Variants in DNAH7 observed in about 807,000 individuals in gnomAD.
DNAH7 encodes dynein axonemal heavy chain 7.
DNAH7 carries 397 observed loss-of-function variants against 444.6 expected under a neutral mutation model. That is an observed-to-expected ratio of 0.89 (90% CI 0.82 to 0.97). DNAH7 has a LOEUF of 0.97. Among genes scored for constraint, DNAH7 ranks in the 50% least tolerant of loss-of-function variants. The pLI is 0.00. For missense variants in DNAH7, 4,902 were observed against 4,800.8 expected (o/e 1.02, Z -0.62); for synonymous variants, 1,636 against 1,624.4 (o/e 1.01, Z -0.17).
intron 63 of DNAH7, among the ~76,000 whole-genome samples, chr2:195,753,115 A>G (rs896695849): frequency 6.6e-6 from 1 of 152,216 alleles, no homozygotes; most frequent in Non-Finnish European, 1.5e-5. Context: ...CAATTAAAGG[A>G]GCAAAGCCCT....
At chr2:195,904,989 C>T (rs1310553520) in intron 27 of DNAH7, 2 of 152,096 alleles carry the variant, frequency 1.3e-5, no homozygotes, top group Non-Finnish European at 2.9e-5. Flanking sequence ...GAAGGCTGCA[C>T]AATAGGAGAA....
At chr2:195,871,301 C>A (rs973846171) in intron 40 of DNAH7, among the ~76,000 whole-genome samples, 8 of 152,084 alleles carry the variant, frequency 5.3e-5, no homozygotes, top group Non-Finnish European at 8.8e-5. Context: ...TGTTTCTTAA[C>A]TGCATATTAA....
intron 61 of DNAH7, 87 bp downstream of exon 61, chr2:195,771,573 C>T (rs1694841204): frequency 5.1e-6 from 5 of 982,134 alleles, no homozygotes; most frequent in Non-Finnish European, 7.9e-6. Context: ...AGTGCTTATA[C>T]AGTATTTGTG....
intron 30 of DNAH7, 80 bp from the exon 31 acceptor site, chr2:195,891,884 A>C (rs1702034229): frequency 8.8e-7 from 1 of 1,137,862 alleles, no homozygotes; most frequent in Middle Eastern, 2.2e-4. Context: ...CATACAGAAA[A>C]TCCTAAGGAA....
At chr2:195,805,254 CT>C (rs534484159) in intron 54 of DNAH7, among the ~76,000 whole-genome samples, 4 of 149,068 alleles carry the variant, frequency 2.7e-5, no homozygotes, top group South Asian at 2.1e-4. Flanking sequence ...AAAACACGAA[CT>C]TTTTTTTTTA....
chr2:195,824,685 T>C (rs771565665), intron 48 of DNAH7, among the ~76,000 whole-genome samples: 3 of 152,132 alleles, frequency 2.0e-5, no homozygotes, highest in Non-Finnish European at 2.9e-5. Context: ...TTCTCCTGAG[T>C]CATAGTCCTG....
At chr2:195,933,868 G>A (rs932546471) in intron 21 of DNAH7, among the ~76,000 whole-genome samples, 1 of 151,920 alleles carries the variant, frequency 6.6e-6, no homozygotes, top group Admixed American at 6.6e-5. Context: ...CCTGCACGTT[G>A]TGCACATGTA....
intron 48 of DNAH7, among the ~76,000 whole-genome samples, chr2:195,826,889 G>T (rs1302957912): frequency 6.6e-6 from 1 of 152,050 alleles, no homozygotes; most frequent in Non-Finnish European, 1.5e-5. Flanking sequence ...AAATGGCTTT[G>T]ATCTCTTTGG....
chr2:195,864,546 C>A lies in DNAH7; in HGVS notation c.7109G>T (p.Gly2370Val), dbSNP rs772562124. 1 of 1,614,052 alleles carries A rather than the reference C, an allele frequency of 6.2e-7. No individual in the cohort carries two copies. The highest frequency in any genetic ancestry group is 2.2e-5 in the East Asian group (1 of 44,878). The stretch of plus-strand genomic sequence containing the variant: ...TTCATGCCATTCAGTAGTATCATAC[C>A]CCTTAGAGATTTCAACTTGGAAAAC... ...YSVFQVEISK[G>V]YDTTEWHEDL... is the part of the protein sequence containing the mutation. The change falls in exon 41 of 65, where the codon GGG becomes GTG. Residue 2370 changes from glycine (G) to valine (V), a missense_variant. Physicochemically the swap from Gly to Val is moderately radical, Grantham distance 109. Coordinates refer to ENST00000312428, the MANE Select transcript of DNAH7 (RefSeq NM_018897.3).
intron 63 of DNAH7, among the ~76,000 whole-genome samples, chr2:195,752,526 A>G (rs149129541): frequency 1.6e-4 from 24 of 152,334 alleles, no homozygotes; most frequent in African/African-American, 5.5e-4. Context: ...TTTGGAGGAC[A>G]TAAGCAAAGA....
intron 17 of DNAH7, among the ~76,000 whole-genome samples, chr2:195,961,580 T>C (rs1012246576): frequency 6.6e-6 from 1 of 152,234 alleles, no homozygotes; most frequent in African/African-American, 2.4e-5. Flanking sequence ...TTCCCATTTT[T>C]ATTCCCCCTC....
rs542054786 is a variant in DNAH7 at position 195,824,539 on chromosome 2, A to G, written c.9101-94T>C. On this transcript the variant is annotated intron_variant, in intron 48 of 64. Transcript: ENST00000312428. Reference sequence around the variant, plus strand: ...CCTCCAAGTTCTTTCAGCCTTATAGATAAATTCTGTTCCTAGATACCTACA... The same window carrying G: ...CCTCCAAGTTCTTTCAGCCTTATAGGTAAATTCTGTTCCTAGATACCTACA... The G allele has an allele frequency of 3.6e-6, 4 of 1,106,134 alleles. No individual in the cohort carries two copies. The African/African-American group carries it at 4.8e-5, about 13-fold the overall frequency. The allele number at this position is 1,106,134 out of a possible 1,614,324, so 68.5% of individuals were successfully genotyped here.
intron 5 of DNAH7, among the ~76,000 whole-genome samples, chr2:196,042,998 A>G (rs1696864559): frequency 6.6e-6 from 1 of 152,076 alleles, no homozygotes; most frequent in Non-Finnish European, 1.5e-5. Flanking sequence ...ATGAAATTTT[A>G]GAAAAGGTAA....
intron 61 of DNAH7, among the ~76,000 whole-genome samples, chr2:195,765,213 C>T (rs1694516052): frequency 6.6e-6 from 1 of 151,930 alleles, no homozygotes; most frequent in Admixed American, 6.6e-5. Context: ...CCCATCTTGC[C>T]ATATTAAAAA....
At chr2:196,032,062 T>A (rs1247158866) in intron 5 of DNAH7, among the ~76,000 whole-genome samples, 1 of 152,176 alleles carries the variant, frequency 6.6e-6, no homozygotes, top group East Asian at 1.9e-4. Context: ...TAATAGAACT[T>A]ACAGTTCCAC....
intron 58 of DNAH7, among the ~76,000 whole-genome samples, chr2:195,782,460 T>C (rs1695433636): frequency 6.6e-6 from 1 of 152,236 alleles, no homozygotes; most frequent in South Asian, 2.1e-4. Context: ...TTAAAGATTC[T>C]TGAAGAAAGT....
chr2:195,770,221 C>A (rs946709459), intron 61 of DNAH7, among the ~76,000 whole-genome samples: 10 of 152,212 alleles, frequency 6.6e-5, no homozygotes, highest in African/African-American at 2.4e-4. Flanking sequence ...TGGTCTCTGT[C>A]TGTACTGCTG....
chr2:195,907,604 T>C, intron 25 of DNAH7, among the ~76,000 whole-genome samples: 1 of 152,140 alleles, frequency 6.6e-6, no homozygotes, highest in Non-Finnish European at 1.5e-5. Context: ...ATTTTATAGA[T>C]TGTGTGTGTG....
intron 39 of DNAH7, among the ~76,000 whole-genome samples, chr2:195,873,196 T>C (rs1450022188): frequency 6.6e-6 from 1 of 152,176 alleles, no homozygotes; most frequent in African/African-American, 2.4e-5. Context: ...GCACAATCTC[T>C]GCAGCTAGGC....
Sources: gnomAD v4.1 joint callset for allele counts (sites outside exome capture counted in the v4.1 genomes callset) on GRCh38, gnomAD v4.1.1 for gene constraint, MANE v1.5 for transcripts, NCBI Gene and HGNC (gene_info 2026-07-23, HGNC 2026-07-21) for gene names.